SLC5A4: variants seen among roughly 807,000 people sequenced by gnomAD.
SLC5A4 encodes solute carrier family 5 member 4.
SLC5A4 carries 55 observed loss-of-function variants against 70.3 expected under a neutral mutation model. That is an observed-to-expected ratio of 0.78 (90% CI 0.63 to 0.98). SLC5A4 has a LOEUF of 0.98. Ranked by LOEUF, SLC5A4 falls within the 50% of genes least tolerant of loss-of-function variation. The probability of loss-of-function intolerance (pLI) is 0.00; values close to 1 mark genes in which losing one functional copy is unlikely to be tolerated. For missense variants in SLC5A4, 735 were observed against 839.2 expected (o/e 0.88, Z 1.53); for synonymous variants, 268 against 305.7 (o/e 0.88, Z 1.29).
chr22:32,295,542 G>A, the SLC5A4 span, among the ~76,000 whole-genome samples: 27 of 106,382 alleles, frequency 2.5e-4, 7 homozygotes, highest in African/African-American at 8.6e-4. Context: ...GTTCATTGTA[G>A]ATTCTGGATA....
intron 8 of SLC5A4, among the ~76,000 whole-genome samples, chr22:32,234,576 G>A (rs995134830): frequency 1.3e-5 from 2 of 152,122 alleles, no homozygotes. Flanking sequence ...GTGCACATCT[G>A]TAATCCCAGC....
chr22:32,323,176 G>C, the SLC5A4 span, among the ~76,000 whole-genome samples: 2 of 152,206 alleles, frequency 1.3e-5, no homozygotes, highest in Admixed American at 6.5e-5. Flanking sequence ...GCTTAGCTCT[G>C]TCCACCATGG....
chr22:32,289,096 G>A, the SLC5A4 span, among the ~76,000 whole-genome samples: 3,828 of 152,076 alleles, frequency 0.025, 138 homozygotes, highest in African/African-American at 0.087. Context: ...AGATTTTTCT[G>A]TAATTTTTTG....
chr22:32,300,368 G>A, the SLC5A4 span, among the ~76,000 whole-genome samples: 7 of 152,072 alleles, frequency 4.6e-5, no homozygotes, highest in East Asian at 1.9e-4. Context: ...GTGGTGCACC[G>A]TTTTTTAAAC....
chr22:32,227,959 T>C (rs903304105), intron 11 of SLC5A4, among the ~76,000 whole-genome samples: 1 of 151,824 alleles, frequency 6.6e-6, no homozygotes, highest in Non-Finnish European at 1.5e-5. Context: ...AGCAAGACTC[T>C]GTCTTGAAAA....
chr22:32,272,189 G>A, the SLC5A4 span: 5 of 740,672 alleles, frequency 6.8e-6, no homozygotes, highest in African/African-American at 8.6e-5. Context: ...TGCAGGAGGA[G>A]GAGGAGGTCA....
chr22:32,343,409 T>C, the SLC5A4 span, among the ~76,000 whole-genome samples: 1 of 152,152 alleles, frequency 6.6e-6, no homozygotes, highest in Admixed American at 6.5e-5. Flanking sequence ...AGATGAGATA[T>C]GATGGCAGAT....
At chr22:32,233,384 ACATTCTCACT>A (rs1344509870) in intron 8 of SLC5A4, among the ~76,000 whole-genome samples, 3 of 152,240 alleles carry the variant, frequency 2.0e-5, no homozygotes, top group Non-Finnish European at 4.4e-5. Context: ...CAAATGTCAC[ACATTCTCACT>A]CATTCTCACT....
the SLC5A4 span, among the ~76,000 whole-genome samples, chr22:32,323,333 A>G: frequency 1.3e-5 from 2 of 152,322 alleles, no homozygotes; most frequent in East Asian, 1.9e-4. Context: ...AATTCCCTTA[A>G]GTCAGGAGCC....
At chr22:32,330,813 TTG>T in the SLC5A4 span, among the ~76,000 whole-genome samples, 3 of 126,966 alleles carry the variant, frequency 2.4e-5, no homozygotes, top group Admixed American at 7.9e-5. Flanking sequence ...GGTGTGTGTT[TTG>T]GGAGGCTCTG....
chr22:32,232,773 C>T, intron 9 of SLC5A4, 126 bp downstream of exon 9: 2 of 1,229,078 alleles, frequency 1.6e-6, no homozygotes, highest in Non-Finnish European at 2.3e-6. Context: ...CAGGCTGCTC[C>T]CTCCACCTGG....
chr22:32,338,326 G>C, the SLC5A4 span, among the ~76,000 whole-genome samples: 2 of 152,154 alleles, frequency 1.3e-5, no homozygotes, highest in African/African-American at 2.4e-5. Flanking sequence ...GTTAACAAAT[G>C]AAAGTGGTTT....
At chr22:32,241,564 G>A (rs1027091478) in intron 5 of SLC5A4, among the ~76,000 whole-genome samples, 1 of 152,126 alleles carries the variant, frequency 6.6e-6, no homozygotes, top group African/African-American at 2.4e-5. Context: ...TTTTGTTTCA[G>A]CCGGGCACAG....
At chr22:32,341,840 C>T in the SLC5A4 span, among the ~76,000 whole-genome samples, 1 of 152,316 alleles carries the variant, frequency 6.6e-6, no homozygotes, top group East Asian at 1.9e-4. Flanking sequence ...ACATTTCACT[C>T]CCTCCACCTG....
At chr22:32,236,832 G>A (rs1190402544) in intron 7 of SLC5A4, among the ~76,000 whole-genome samples, 3 of 151,638 alleles carry the variant, frequency 2.0e-5, no homozygotes, top group African/African-American at 7.3e-5. Flanking sequence ...AGCCTCTTGA[G>A]TAGCTGGGAC....
the SLC5A4 span, chr22:32,355,030 C>G: frequency 6.6e-6 from 1 of 152,056 alleles, no homozygotes; most frequent in African/African-American, 2.4e-5. Flanking sequence ...TACTAACCAG[C>G]TACACAAGCT....
chr22:32,347,083 A>G, the SLC5A4 span, among the ~76,000 whole-genome samples: 2 of 152,246 alleles, frequency 1.3e-5, no homozygotes, highest in East Asian at 1.9e-4. Flanking sequence ...ACGTTTATGC[A>G]GCCAAAAGAC....
At chr22:32,272,842 C>A in the SLC5A4 span, 1 of 513,104 alleles carries the variant, frequency 1.9e-6, no homozygotes, top group Non-Finnish European at 3.8e-6. Context: ...GCTGCTGCTG[C>A]CCATGCAGGA....
At chr22:32,286,267 T>G in the SLC5A4 span, among the ~76,000 whole-genome samples, 2 of 152,258 alleles carry the variant, frequency 1.3e-5, no homozygotes, top group South Asian at 4.1e-4. Flanking sequence ...CATATTGATT[T>G]GGTCATAGTG....
Sources: allele counts gnomAD v4.1 joint callset (sites outside exome capture counted in the v4.1 genomes callset), GRCh38; gene constraint gnomAD v4.1.1; transcripts MANE v1.5; gene names NCBI Gene and HGNC (gene_info 2026-07-23, HGNC 2026-07-21).